The following PARD3B variants were observed in gnomAD, a reference collection of about 807,000 sequenced individuals.
PARD3B encodes par-3 family cell polarity regulator beta.
PARD3B carries 103 observed loss-of-function variants against 130.2 expected under a neutral mutation model. That is an observed-to-expected ratio of 0.79 (90% CI 0.67 to 0.93). The LOEUF is 0.93. Ranked by LOEUF, PARD3B falls within the 40% of genes least tolerant of loss-of-function variation. The probability of loss-of-function intolerance (pLI) is 0.00; values close to 1 mark genes in which losing one functional copy is unlikely to be tolerated. For missense variants in PARD3B, 1,609 were observed against 1,499.2 expected (o/e 1.07, Z -1.21); for synonymous variants, 583 against 553.2 (o/e 1.05, Z -0.76).
At chr2:204,565,291 A>G (rs992514120) in intron 1 of PARD3B, among the ~76,000 whole-genome samples, 5 of 152,232 alleles carry the variant, frequency 3.3e-5, no homozygotes, top group African/African-American at 7.2e-5. Context: ...ATATAATACA[A>G]CATAATCATG....
intron 19 of PARD3B, among the ~76,000 whole-genome samples, chr2:205,406,944 C>G (rs1435858744): frequency 1.3e-5 from 2 of 152,178 alleles, no homozygotes; most frequent in East Asian, 3.9e-4. Context: ...GCTGGGATTA[C>G]AGGCATAAGC....
intron 4 of PARD3B, among the ~76,000 whole-genome samples, chr2:205,097,643 G>A (rs953642419): frequency 6.6e-6 from 1 of 152,124 alleles, no homozygotes; most frequent in South Asian, 2.1e-4. Context: ...CATTGAGTGC[G>A]GGGCCCAGCA....
chr2:204,777,633 G>C (rs116677906), intron 2 of PARD3B, among the ~76,000 whole-genome samples: 11 of 152,122 alleles, frequency 7.2e-5, no homozygotes, highest in African/African-American at 2.4e-4. Flanking sequence ...GCCAGGAATT[G>C]TGGTGCATGC....
chr2:204,948,022 T>A (rs1192074290), intron 2 of PARD3B, among the ~76,000 whole-genome samples: 2 of 152,224 alleles, frequency 1.3e-5, no homozygotes, highest in Non-Finnish European at 2.9e-5. Context: ...TCTTGCTATG[T>A]TTGCACATAC....
rs562005716 is a variant in PARD3B at position 204,721,935 on chromosome 2, A to G, written c.222+35653A>G. ...TTTATTAAGAACTACCTCTGCATGC[A>G]GAGGCACTTTGTAAACTGTAAGAAA... On this transcript the variant is annotated intron_variant, in intron 2 of 22. Coordinates refer to ENST00000406610, the MANE Select transcript of PARD3B (RefSeq NM_001302769.2). Among the ~76,000 whole-genome samples the G allele has an allele frequency of 8.5e-5, 13 of 152,218 alleles. No homozygotes were observed. In the South Asian group the frequency reaches 2.1e-3, roughly 24 times the overall value.
chr2:205,261,213 G>A (rs1473287860), intron 16 of PARD3B, among the ~76,000 whole-genome samples: 2 of 152,112 alleles, frequency 1.3e-5, no homozygotes, highest in Admixed American at 1.3e-4. Context: ...TATATTATTG[G>A]AAGCAGAAGT....
At chr2:205,517,922 T>G (rs567344536) in intron 21 of PARD3B, among the ~76,000 whole-genome samples, 3 of 152,300 alleles carry the variant, frequency 2.0e-5, no homozygotes, top group African/African-American at 7.2e-5. Flanking sequence ...TGAGTTGTAT[T>G]TTTATTGCGC....
intron 15 of PARD3B, among the ~76,000 whole-genome samples, chr2:205,222,854 G>T (rs538534383): frequency 2.8e-5 from 2 of 71,632 alleles, no homozygotes; most frequent in Non-Finnish European, 2.7e-5. Flanking sequence ...TTTTCTCTGT[G>T]TCAGGTGGGA....
chr2:205,359,986 A>G (rs188338450), intron 18 of PARD3B, among the ~76,000 whole-genome samples: 1 of 152,306 alleles, frequency 6.6e-6, no homozygotes, highest in Non-Finnish European at 1.5e-5. Context: ...TCCCGCTTGC[A>G]TTTCAAATTC....
At chr2:204,865,067 A>G (rs895812167) in intron 2 of PARD3B, among the ~76,000 whole-genome samples, 6 of 152,150 alleles carry the variant, frequency 3.9e-5, no homozygotes, top group Admixed American at 3.3e-4. Flanking sequence ...AATCAAAACC[A>G]CGATATGATA....
At chr2:205,111,447 A>G (rs956291739) in intron 5 of PARD3B, among the ~76,000 whole-genome samples, 2 of 152,046 alleles carry the variant, frequency 1.3e-5, no homozygotes, top group Admixed American at 1.3e-4. Context: ...CTACTTAAAA[A>G]TGTTTGGCTT....
chr2:205,318,076 G>A (rs1455897292), intron 18 of PARD3B, among the ~76,000 whole-genome samples: 1 of 152,140 alleles, frequency 6.6e-6, no homozygotes, highest in Non-Finnish European at 1.5e-5. Flanking sequence ...TTTGATTGCA[G>A]ACAAACCCAC....
At chr2:204,601,970 A>G (rs909527492) in intron 1 of PARD3B, among the ~76,000 whole-genome samples, 2 of 151,966 alleles carry the variant, frequency 1.3e-5, no homozygotes, top group African/African-American at 2.4e-5. Context: ...CCTTTCTTTT[A>G]TAATTATGGC....
chr2:205,211,589 C>T (rs1171070396), intron 15 of PARD3B, among the ~76,000 whole-genome samples: 5 of 152,024 alleles, frequency 3.3e-5, no homozygotes, highest in Admixed American at 2.0e-4. Flanking sequence ...AAACATAACA[C>T]TACAAATTGT....
At chr2:205,503,176 C>T (rs957998987) in intron 21 of PARD3B, among the ~76,000 whole-genome samples, 2 of 152,054 alleles carry the variant, frequency 1.3e-5, no homozygotes, top group Admixed American at 6.6e-5. Context: ...TTACTTCCAC[C>T]TTGGAGGAAC....
At chr2:204,861,310 A>G (rs79203826) in intron 2 of PARD3B, among the ~76,000 whole-genome samples, 4,553 of 152,192 alleles carry the variant, frequency 0.03, 197 homozygotes, top group African/African-American at 0.092. Flanking sequence ...AAGCAGAAAT[A>G]TATAACTTGG....
At chr2:205,554,258 T>TTTTATC (rs959468839) in intron 22 of PARD3B, among the ~76,000 whole-genome samples, 2 of 151,824 alleles carry the variant, frequency 1.3e-5, no homozygotes, top group Non-Finnish European at 2.9e-5. Flanking sequence ...GCAGAGTTTT[T>TTTTATC]TTATCAAAAC....
At chr2:205,066,999 G>A (rs1183053065) in intron 4 of PARD3B, among the ~76,000 whole-genome samples, 3 of 149,582 alleles carry the variant, frequency 2.0e-5, no homozygotes, top group Non-Finnish European at 4.4e-5. Context: ...GGATCTAATG[G>A]AAAGGGAAGT....
chr2:204,624,106 A>G (rs2034399421), intron 1 of PARD3B, among the ~76,000 whole-genome samples: 1 of 152,180 alleles, frequency 6.6e-6, no homozygotes, highest in South Asian at 2.1e-4. Context: ...GGGGAATGGG[A>G]TAATGGGTTA....
Sources: gnomAD v4.1 joint callset for allele counts (sites outside exome capture counted in the v4.1 genomes callset) on GRCh38, gnomAD v4.1.1 for gene constraint, MANE v1.5 for transcripts, NCBI Gene and HGNC (gene_info 2026-07-23, HGNC 2026-07-21) for gene names.